CLIP2: variants seen among roughly 807,000 people sequenced by gnomAD.
The protein encoded by CLIP2 is CAP-Gly domain containing linker protein 2.
In CLIP2, 41 loss-of-function variants were observed where a neutral mutation model predicts 111.7. The observed-to-expected ratio is 0.37, with a 90% CI of 0.29 to 0.48. The LOEUF (loss-of-function observed/expected upper bound fraction) is 0.48. Ranked by LOEUF, CLIP2 falls within the 20% of genes least tolerant of loss-of-function variation. The pLI, the probability that CLIP2 is intolerant of heterozygous loss-of-function variation, is 0.99. For synonymous variants in CLIP2, 660 were observed against 644.2 expected (o/e 1.02, Z -0.37); for missense variants, 1,160 against 1,422.1 (o/e 0.82, Z 2.96).
intron 1 of CLIP2, among the ~76,000 whole-genome samples, chr7:74,295,989 CAAA>C (rs368834820): frequency 2.8e-5 from 2 of 70,982 alleles, no homozygotes. Context: ...ACCCTGTCTC[CAAA>C]AAAAAAAAAA....
At chr7:74,368,200 A>G (rs1554311171) in intron 8 of CLIP2, among the ~76,000 whole-genome samples, 2 of 152,056 alleles carry the variant, frequency 1.3e-5, no homozygotes, top group Non-Finnish European at 2.9e-5. Flanking sequence ...GCAACAAAGC[A>G]AGAGCAAGAC....
rs143696665 is a variant in CLIP2 at position 74,388,727 on chromosome 7, G to A, written c.2564-376G>A. The A allele has an allele frequency of 7.5e-3, 1,174 of 157,202 alleles. 20 individuals carry two copies. The highest frequency in any genetic ancestry group is 0.025 in the African/African-American group (1,049 of 41,672). The allele number at this position is 157,202 out of a possible 1,614,324, so 9.7% of individuals were successfully genotyped here. ...GAAGAATTGCTTGAACCCAGGAAGCGGAGGTTGTAGTGAGCCAAGATCGTA... is the reference window on the plus strand; with the variant it reads ...GAAGAATTGCTTGAACCCAGGAAGCAGAGGTTGTAGTGAGCCAAGATCGTA... On this transcript the variant is annotated intron_variant, in intron 12 of 16. Transcript: ENST00000223398.
In CLIP2 at chr7:74,372,404, G is replaced by A. The variant is rs1329052922; in HGVS notation, c.1381-528G>A. On this transcript the variant is annotated intron_variant, in intron 8 of 16. Transcript: ENST00000223398. The stretch of plus-strand genomic sequence containing the variant: ...TCTTGCACTTTTAGCACAGGCCTTG[G>A]GGGGGGGGGGGAGTCGAGCGGGAAT... Among the ~76,000 whole-genome samples, 114 of 127,050 alleles carry A rather than the reference G, an allele frequency of 9.0e-4. 5 individuals carry two copies. Among genetic ancestry groups the A allele is most frequent in the Non-Finnish European group, 1.2e-3 (72 of 59,652 alleles). The allele number at this position is 127,050 out of a possible 152,430, so 83.3% of individuals were successfully genotyped here.
At chr7:74,336,347 C>T (rs7789104) in intron 2 of CLIP2, among the ~76,000 whole-genome samples, 93,311 of 151,882 alleles carry the variant, frequency 0.61, 30,642 homozygotes, top group Middle Eastern at 0.74. Context: ...GGATTATAGG[C>T]GTGAGCCACC....
intron 2 of CLIP2, among the ~76,000 whole-genome samples, chr7:74,328,451 G>C (rs1291214701): frequency 2.0e-5 from 3 of 152,166 alleles, no homozygotes; most frequent in Non-Finnish European, 4.4e-5. Flanking sequence ...GGGATGAGAG[G>C]GGAGTTGGTG....
intron 1 of CLIP2, among the ~76,000 whole-genome samples, chr7:74,296,512 G>A (rs991014324): frequency 1.3e-5 from 2 of 149,188 alleles, no homozygotes; most frequent in African/African-American, 2.5e-5. Flanking sequence ...TAAGAGGGCC[G>A]AGCACGGTGG....
In CLIP2 at chr7:74,323,769, C is replaced by T. The variant is rs116810965; in HGVS notation, c.121+6102C>T. Among the ~76,000 whole-genome samples, 260 of 152,258 alleles carry T rather than the reference C, an allele frequency of 1.7e-3. 1 individual carries two copies. The highest frequency in any genetic ancestry group is 5.9e-3 in the African/African-American group (246 of 41,576). On this transcript the variant is annotated intron_variant, in intron 2 of 16. Coordinates refer to ENST00000223398, the MANE Select transcript of CLIP2 (RefSeq NM_003388.5). The stretch of plus-strand genomic sequence containing the variant: ...GTTCAGATGTACAAACACTTCCCCT[C>T]GTGTTACAGTTGCCTTCAGCATTGA...
chr7:74,359,216 G>C (rs559708962), intron 6 of CLIP2, among the ~76,000 whole-genome samples: 1 of 151,060 alleles, frequency 6.6e-6, no homozygotes, highest in African/African-American at 2.4e-5. Flanking sequence ...TGATCAGCCC[G>C]CCTCGGCCTC....
intron 13 of CLIP2, among the ~76,000 whole-genome samples, chr7:74,394,325 A>G (rs1434994026): frequency 7.4e-6 from 1 of 135,798 alleles, no homozygotes. Flanking sequence ...ATCTCTGCTC[A>G]CCGCAACCTC....
chr7:74,390,236 TC>T lies in CLIP2; in HGVS notation c.2720+981del, dbSNP rs1225142637. 9.4e-5 allele frequency among the ~76,000 whole-genome samples: 14 copies of T among 149,570 alleles called. No individual in the cohort carries two copies. The East Asian group carries it at 2.6e-3, about 27-fold the overall frequency. ...AAGAAAGAAAGAAAGGATTAATGCC[TC>T]CCCAAAATGTTTGGTCTCAGGGACC... On this transcript the variant is annotated intron_variant, in intron 13 of 16. Transcript: ENST00000223398.
At chr7:74,346,972 G>A (rs1789815182) in intron 3 of CLIP2, among the ~76,000 whole-genome samples, 1 of 152,086 alleles carries the variant, frequency 6.6e-6, no homozygotes, top group African/African-American at 2.4e-5. Context: ...CCAGAAGTTC[G>A]AGGCTACAGT....
intron 3 of CLIP2, among the ~76,000 whole-genome samples, chr7:74,340,241 C>T (rs913225942): frequency 1.4e-4 from 21 of 152,194 alleles, no homozygotes; most frequent in Non-Finnish European, 2.9e-4. Context: ...ACCAAAAATA[C>T]AAAAATTAGC....
At chr7:74,375,121 GCCCATAGAGT>G (rs1554312525) in intron 9 of CLIP2, among the ~76,000 whole-genome samples, 1 of 152,130 alleles carries the variant, frequency 6.6e-6, no homozygotes, top group Admixed American at 6.6e-5. Flanking sequence ...GGTGGCTCAT[GCCCATAGAGT>G]CCCAGCTGCT....
chr7:74,352,732 G>C (rs1417106689), intron 3 of CLIP2, among the ~76,000 whole-genome samples: 1 of 148,704 alleles, frequency 6.7e-6, no homozygotes, highest in Non-Finnish European at 1.5e-5. Context: ...TATGGACCAG[G>C]TGTGGTGATT....
chr7:74,336,891 T>TTTTTTTTTTTTTGG (rs1789488271), intron 2 of CLIP2, among the ~76,000 whole-genome samples: 1 of 1,018 alleles, frequency 9.8e-4, no homozygotes, highest in Non-Finnish European at 1.5e-3. Context: ...TTTTGTTTTG[T>TTTTTTTTTTTTTGG]TTTTTTTTTT....
At chr7:74,400,848 G>C (rs1432703555) in intron 15 of CLIP2, among the ~76,000 whole-genome samples, 1 of 151,694 alleles carries the variant, frequency 6.6e-6, no homozygotes, top group Non-Finnish European at 1.5e-5. Context: ...TGGTCTGAAG[G>C]GGGAGGCAGC....
At position 74,386,528 on chromosome 7, in the gene CLIP2, G is replaced by GGACAAGCTGAACAAGAGGGACAAAGAGGT. The variant is rs782525306; in HGVS notation, c.2492_2520dup (p.Ala841SerfsTer2). On this transcript the variant is annotated frameshift_variant, in exon 12 of 17. Transcript: ENST00000223398. LOFTEE classifies it high-confidence loss of function. ...CTCTCCTCTCTCCCCTAGGCCTGCA[G>GGACAAGCTGAACAAGAGGGACAAAGAGGT]GACAAGCTGAACAAGAGGGACAAAG... The GGACAAGCTGAACAAGAGGGACAAAGAGGT allele has an allele frequency of 1.2e-6, 2 of 1,611,634 alleles. No individual in the cohort carries two copies. The highest frequency in any genetic ancestry group is 2.7e-5 in the African/African-American group (2 of 74,764).
intron 3 of CLIP2, among the ~76,000 whole-genome samples, chr7:74,352,298 A>G (rs1438357255): frequency 1.3e-5 from 2 of 152,052 alleles, no homozygotes; most frequent in Admixed American, 1.3e-4. Context: ...TTAGCCGGGC[A>G]TGGTGGTGCA....
intron 6 of CLIP2, among the ~76,000 whole-genome samples, chr7:74,359,866 G>A (rs1790273461): frequency 6.6e-6 from 1 of 152,226 alleles, no homozygotes; most frequent in Non-Finnish European, 1.5e-5. Context: ...GTTCATGGCT[G>A]TGCTTTGATG....
Sources: gnomAD v4.1 joint callset for allele counts (sites outside exome capture counted in the v4.1 genomes callset) on GRCh38, gnomAD v4.1.1 for gene constraint, MANE v1.5 for transcripts, NCBI Gene and HGNC (gene_info 2026-07-23, HGNC 2026-07-21) for gene names.